Variants in FRMD6 observed in about 807,000 individuals in gnomAD.
The protein encoded by FRMD6 is FERM domain-containing protein 6.
Under a neutral mutation model 73.2 loss-of-function variants are expected in FRMD6, and 37 were observed. The observed-to-expected ratio is 0.51, with a 90% CI of 0.39 to 0.66. The LOEUF (loss-of-function observed/expected upper bound fraction) is 0.66, where lower values mean the gene tolerates loss of function less well. Among genes scored for constraint, FRMD6 ranks in the 30% least tolerant of loss-of-function variants. The pLI, the probability that FRMD6 is intolerant of heterozygous loss-of-function variation, is 0.00. For synonymous variants in FRMD6, 273 were observed against 282.2 expected (o/e 0.97, Z 0.33); for missense variants, 714 against 780.5 (o/e 0.91, Z 1.02).
At chr14:51,569,032 G>T (rs1314295204) in intron 1 of FRMD6, among the ~76,000 whole-genome samples, 1 of 152,042 alleles carries the variant, frequency 6.6e-6, no homozygotes, top group Non-Finnish European at 1.5e-5. Flanking sequence ...TTTTGGTAGA[G>T]ACAGGTTTTC....
intron 1 of FRMD6, among the ~76,000 whole-genome samples, chr14:51,518,642 G>A (rs1884775710): frequency 6.6e-6 from 1 of 152,178 alleles, no homozygotes; most frequent in Non-Finnish European, 1.5e-5. Flanking sequence ...TAAAGAGGAA[G>A]TATTTTCCTT....
At chr14:51,499,239 C>T (rs550315118) in intron 1 of FRMD6, among the ~76,000 whole-genome samples, 8 of 152,328 alleles carry the variant, frequency 5.3e-5, no homozygotes, top group South Asian at 4.1e-4. Context: ...CTCTCAGCAA[C>T]GACAGCTGAG....
At chr14:51,523,212 G>C (rs752600552) in intron 1 of FRMD6, among the ~76,000 whole-genome samples, 6 of 152,186 alleles carry the variant, frequency 3.9e-5, no homozygotes, top group Non-Finnish European at 5.9e-5. Context: ...ATTTACAAAA[G>C]TGAATGAAAA....
the FRMD6 span, among the ~76,000 whole-genome samples, chr14:51,435,133 G>A: frequency 2.0e-4 from 30 of 152,252 alleles, 1 homozygote; most frequent in African/African-American, 5.8e-4. Flanking sequence ...CAGCGTCTAC[G>A]GATTAGTTAG....
chr14:51,414,337 G>A, the FRMD6 span, among the ~76,000 whole-genome samples: 12 of 152,294 alleles, frequency 7.9e-5, no homozygotes, highest in East Asian at 2.3e-3. Flanking sequence ...TGTATAAGGT[G>A]TAAGGAAGGG....
In FRMD6 at chr14:51,654,954, A is replaced by G. The variant is rs562489348; in HGVS notation, c.-147+2958A>G. Among the ~76,000 whole-genome samples the G allele has an allele frequency of 4.6e-5, 7 of 152,280 alleles. No individual in the cohort carries two copies. In the South Asian group the frequency reaches 1.4e-3, roughly 32 times the overall value. ...GAAGCATATTTCTTTCATAAGTGGGAAAACAGGAGGTATTCAGTTTGTGTA... is the reference window on the plus strand; with the variant it reads ...GAAGCATATTTCTTTCATAAGTGGGGAAACAGGAGGTATTCAGTTTGTGTA... On this transcript the variant is annotated intron_variant, in intron 1 of 13. Transcript: ENST00000344768.
chr14:51,549,660 C>A (rs1380638335), intron 1 of FRMD6, among the ~76,000 whole-genome samples: 6 of 132,528 alleles, frequency 4.5e-5, no homozygotes, highest in Admixed American at 3.2e-4. Context: ...CAGTGGCGCA[C>A]TCTCAGCTCA....
intron 1 of FRMD6, among the ~76,000 whole-genome samples, chr14:51,544,076 T>C: frequency 6.6e-6 from 1 of 151,996 alleles, no homozygotes; most frequent in East Asian, 1.9e-4. Flanking sequence ...CCCAGTCTCA[T>C]TTCACTGATT....
intron 1 of FRMD6, among the ~76,000 whole-genome samples, chr14:51,668,480 A>G (rs1004404852): frequency 1.3e-4 from 19 of 151,652 alleles, no homozygotes; most frequent in Admixed American, 9.2e-4. Flanking sequence ...TAATTTTTGT[A>G]TTTTTAGTAG....
intron 12 of FRMD6, among the ~76,000 whole-genome samples, chr14:51,725,239 T>TGGGA (rs1227564147): frequency 6.6e-6 from 1 of 152,156 alleles, no homozygotes; most frequent in Non-Finnish European, 1.5e-5. Context: ...ACTGAGACAC[T>TGGGA]GGGAGGCTAA....
intron 1 of FRMD6, among the ~76,000 whole-genome samples, chr14:51,679,011 C>T (rs1445837977): frequency 6.6e-6 from 1 of 151,858 alleles, no homozygotes; most frequent in Admixed American, 6.6e-5. Context: ...GAATGGGACC[C>T]GATGGTGAAG....
chr14:51,580,496 G>A (rs1446665414), intron 2 of FRMD6, among the ~76,000 whole-genome samples: 1 of 152,194 alleles, frequency 6.6e-6, no homozygotes, highest in East Asian at 1.9e-4. Context: ...ATGAGGCACA[G>A]AGAAGTTAAA....
intron 1 of FRMD6, among the ~76,000 whole-genome samples, chr14:51,528,837 A>G (rs1411855925): frequency 1.3e-5 from 2 of 152,144 alleles, no homozygotes; most frequent in Non-Finnish European, 2.9e-5. Context: ...TGCATCAAAG[A>G]GCTCCCAGGA....
At chr14:51,526,315 C>T (rs78164735) in intron 1 of FRMD6, among the ~76,000 whole-genome samples, 1,911 of 152,278 alleles carry the variant, frequency 0.013, 39 homozygotes, top group South Asian at 0.053. Flanking sequence ...TTGCACCTGC[C>T]GCCACCTCTT....
upstream of FRMD6, among the ~76,000 whole-genome samples, chr14:51,648,226 A>G (rs539214525): frequency 1.1e-4 from 16 of 152,312 alleles, no homozygotes; most frequent in African/African-American, 3.9e-4. Context: ...AATACCTGTA[A>G]AGGAATGTGA....
intron 1 of FRMD6, among the ~76,000 whole-genome samples, chr14:51,559,531 G>C (rs1292162399): frequency 6.6e-6 from 1 of 150,620 alleles, no homozygotes; most frequent in African/African-American, 2.4e-5. Context: ...TCAGGCATAT[G>C]AGAGTTTACA....
chr14:51,451,062 G>A, the FRMD6 span, among the ~76,000 whole-genome samples: 3 of 152,210 alleles, frequency 2.0e-5, no homozygotes, highest in Admixed American at 6.5e-5. Context: ...GTTGAATCTT[G>A]AGGAATTTAC....
chr14:51,594,581 G>A (rs927290870), intron 2 of FRMD6, among the ~76,000 whole-genome samples: 29 of 151,534 alleles, frequency 1.9e-4, no homozygotes, highest in South Asian at 1.0e-3. Flanking sequence ...CACCCGCCTC[G>A]GCCTCCCAAA....
chr14:51,587,862 C>A (rs889448811), intron 2 of FRMD6, among the ~76,000 whole-genome samples: 1 of 152,104 alleles, frequency 6.6e-6, no homozygotes, highest in African/African-American at 2.4e-5. Context: ...CTGACGTTAG[C>A]GGCAATGACG....
Sources: gnomAD v4.1 joint callset for allele counts (sites outside exome capture counted in the v4.1 genomes callset) on GRCh38, gnomAD v4.1.1 for gene constraint, MANE v1.5 for transcripts, NCBI Gene and HGNC (gene_info 2026-07-23, HGNC 2026-07-21) for gene names.